Variants in PPP3CA observed in about 807,000 individuals in gnomAD.
The protein encoded by PPP3CA is protein phosphatase 3 catalytic subunit alpha, also known as CAM-PRP catalytic subunit.
PPP3CA carries 14 observed loss-of-function variants against 66.5 expected under a neutral mutation model. The ratio of observed to expected loss-of-function variants is 0.21; its 90% CI spans 0.14 to 0.33. The LOEUF (loss-of-function observed/expected upper bound fraction) is 0.33, where lower values mean the gene tolerates loss of function less well. PPP3CA is among the 10% of genes least tolerant of loss of function. PPP3CA has a pLI of 1.00. For missense variants in PPP3CA, 317 were observed against 639.5 expected (o/e 0.50, Z 5.44); for synonymous variants, 232 against 226.2 (o/e 1.03, Z -0.23).
intron 6 of PPP3CA, among the ~76,000 whole-genome samples, chr4:101,088,540 G>A (rs1003704332): frequency 2.3e-5 from 3 of 132,044 alleles, no homozygotes; most frequent in East Asian, 2.2e-4. Context: ...AGCCGAGATC[G>A]CACCACTGCT....
At chr4:101,168,291 G>A (rs977839437) in intron 2 of PPP3CA, among the ~76,000 whole-genome samples, 4 of 152,144 alleles carry the variant, frequency 2.6e-5, no homozygotes, top group African/African-American at 9.7e-5. Context: ...AAAGTAGGAA[G>A]AACAGATTTA....
chr4:101,086,412 T>A (rs1164653512), intron 6 of PPP3CA, among the ~76,000 whole-genome samples: 4 of 152,184 alleles, frequency 2.6e-5, no homozygotes, highest in Non-Finnish European at 5.9e-5. Context: ...AAACAGTTAC[T>A]ATTAGATTAA....
chr4:101,109,802 T>A (rs1223563157), intron 2 of PPP3CA, among the ~76,000 whole-genome samples: 2 of 152,172 alleles, frequency 1.3e-5, no homozygotes, highest in Non-Finnish European at 2.9e-5. Context: ...CTTAACATTC[T>A]CACTTTCTCT....
chr4:101,182,119 T>A (rs1347232254), intron 2 of PPP3CA, among the ~76,000 whole-genome samples: 3 of 152,174 alleles, frequency 2.0e-5, no homozygotes, highest in Non-Finnish European at 4.4e-5. Context: ...ACCTATCAAC[T>A]TTTAAGGTGA....
intron 1 of PPP3CA, among the ~76,000 whole-genome samples, chr4:101,259,078 T>TA (rs552922285): frequency 2.4e-4 from 37 of 152,260 alleles, no homozygotes; most frequent in African/African-American, 8.4e-4. Context: ...TATATTTAAA[T>TA]ACTTTTATTG....
Position 101,124,664 on chromosome 4 carries a change from A to AGAAAGAAAGAAG in PPP3CA, c.260-15587_260-15586insCTTCTTTCTTTC, listed in dbSNP as rs1491553005. 2.6e-4 allele frequency among the ~76,000 whole-genome samples: 9 copies of AGAAAGAAAGAAG among 34,602 alleles called. 1 individual carries two copies. Among genetic ancestry groups the AGAAAGAAAGAAG allele is most frequent in the Non-Finnish European group, 4.6e-4 (9 of 19,548 alleles). The allele number at this position is 34,602 out of a possible 152,430, so 22.7% of individuals were successfully genotyped here. A position where few individuals can be genotyped will look rare whatever the true frequency, so the allele number is the denominator to read the frequency against. ...GAAAGAAAGAGAGGGAGAGAGAGAC[A>AGAAAGAAAGAAG]GAAAGAAAGAAAGAAAGAAAGAAAG... is the stretch of plus-strand genomic sequence containing the variant. On this transcript the variant is annotated intron_variant, in intron 2 of 13. Transcript: ENST00000394854.
In PPP3CA at chr4:101,295,295, G is replaced by A. The variant is rs564151201; in HGVS notation, c.58+51444C>T. 1.2e-4 allele frequency among the ~76,000 whole-genome samples: 15 copies of A among 127,220 alleles called. No individual in the cohort carries two copies. In the South Asian group the frequency reaches 1.3e-3, roughly 11 times the overall value. The allele number at this position is 127,220 out of a possible 152,430, so 83.5% of individuals were successfully genotyped here. ...CGCAGTCCGGCCTGGGTGACAGAGC[G>A]AGACTCCGTCTCAAAAAAAAAAAAA... On this transcript the variant is annotated intron_variant, in intron 1 of 13. Transcript: ENST00000394854.
At chr4:101,117,233 T>G (rs1454233856) in intron 2 of PPP3CA, among the ~76,000 whole-genome samples, 2 of 151,872 alleles carry the variant, frequency 1.3e-5, no homozygotes, top group African/African-American at 2.4e-5. Flanking sequence ...TACTAAATAC[T>G]TCATTCATCC....
chr4:101,334,051 C>T (rs574007251), intron 1 of PPP3CA, among the ~76,000 whole-genome samples: 2 of 152,116 alleles, frequency 1.3e-5, no homozygotes, highest in East Asian at 1.9e-4. Flanking sequence ...TTTTTAACAG[C>T]CATTTTACAC....
At chr4:101,294,684 G>C (rs1453619868) in intron 1 of PPP3CA, among the ~76,000 whole-genome samples, 1 of 152,002 alleles carries the variant, frequency 6.6e-6, no homozygotes, top group African/African-American at 2.4e-5. Flanking sequence ...TTCAACCTCA[G>C]CATTATTTAC....
chr4:101,317,479 TGG>T, intron 1 of PPP3CA, among the ~76,000 whole-genome samples: 1 of 152,292 alleles, frequency 6.6e-6, no homozygotes, highest in Non-Finnish European at 1.5e-5. Context: ...ATTCTTTATC[TGG>T]TTGTATTCTA....
intron 10 of PPP3CA, among the ~76,000 whole-genome samples, chr4:101,044,358 CA>C (rs1727669349): frequency 6.6e-6 from 1 of 152,196 alleles, no homozygotes; most frequent in African/African-American, 2.4e-5. Context: ...CTGCAACATG[CA>C]AAGATAATGT....
intron 1 of PPP3CA, among the ~76,000 whole-genome samples, chr4:101,298,966 T>C (rs1009094133): frequency 1.3e-5 from 2 of 151,784 alleles, no homozygotes; most frequent in African/African-American, 2.4e-5. Context: ...GTGCGAACAT[T>C]AGAGTGTACT....
At chr4:101,173,939 C>G (rs1723967606) in intron 2 of PPP3CA, among the ~76,000 whole-genome samples, 1 of 152,052 alleles carries the variant, frequency 6.6e-6, no homozygotes, top group Non-Finnish European at 1.5e-5. Flanking sequence ...GTAGTCCCAG[C>G]TACCTGGGAG....
At chr4:101,299,975 T>C (rs1578644135) in intron 1 of PPP3CA, among the ~76,000 whole-genome samples, 2 of 128,926 alleles carry the variant, frequency 1.6e-5, no homozygotes, top group Non-Finnish European at 2.9e-5. Context: ...GTGATCAAGA[T>C]AATAATCTCT....
At chr4:101,318,813 T>A (rs907580263) in intron 1 of PPP3CA, among the ~76,000 whole-genome samples, 3 of 152,128 alleles carry the variant, frequency 2.0e-5, no homozygotes, top group African/African-American at 4.8e-5. Context: ...AAACTCGCTA[T>A]CAAGAGAATT....
intron 1 of PPP3CA, among the ~76,000 whole-genome samples, chr4:101,218,555 T>G (rs775271332): frequency 6.6e-6 from 1 of 152,038 alleles, no homozygotes; most frequent in Non-Finnish European, 1.5e-5. Context: ...AACTTCTGTT[T>G]TCACAAACAC....
Position 101,194,455 on chromosome 4 carries a change from T to C in PPP3CA, c.259+1461A>G, listed in dbSNP as rs148144468. Among the ~76,000 whole-genome samples, 309 of 152,344 alleles carry C rather than the reference T, an allele frequency of 2.0e-3. 3 individuals are homozygous for C. The highest frequency in any genetic ancestry group is 7.1e-3 in the African/African-American group (297 of 41,590). ...CTATTCTATGTCTAAATCAGAATAA[T>C]ATTTAAGAGGAAAATATTTTTAGCT... On this transcript the variant is annotated intron_variant, in intron 2 of 13. Transcript: ENST00000394854.
chr4:101,332,286 G>A (rs1489883532), intron 1 of PPP3CA, among the ~76,000 whole-genome samples: 6 of 152,218 alleles, frequency 3.9e-5, no homozygotes, highest in East Asian at 1.9e-4. Flanking sequence ...AATCAATCCT[G>A]TAAGTGTAAG....
Sources: allele counts gnomAD v4.1 joint callset (sites outside exome capture counted in the v4.1 genomes callset), GRCh38; gene constraint gnomAD v4.1.1; transcripts MANE v1.5; gene names NCBI Gene and HGNC (gene_info 2026-07-23, HGNC 2026-07-21).